Variants in WDR49 observed in about 807,000 individuals in gnomAD.
WDR49 encodes cilia- and flagella-associated protein 337.
Under a neutral mutation model 119.5 loss-of-function variants are expected in WDR49, and 107 were observed. The ratio of observed to expected loss-of-function variants is 0.90; its 90% CI spans 0.77 to 1.05. The LOEUF (loss-of-function observed/expected upper bound fraction) is 1.05, where lower values mean the gene tolerates loss of function less well. Among genes scored for constraint, WDR49 ranks in the 50% least tolerant of loss-of-function variants. WDR49 has a pLI of 0.00. For missense variants in WDR49, 1,240 were observed against 1,220.5 expected (o/e 1.02, Z -0.24); for synonymous variants, 425 against 418.8 (o/e 1.01, Z -0.18).
Position 167,554,758 on chromosome 3 carries a change from A to G in WDR49, c.1715T>C (p.Val572Ala), listed in dbSNP as rs775237969. Reference sequence around the variant, plus strand: ...AATATCCACAGCTCCATCTTGCCCAACATTTAGTGTATGGTGACAATATCC... The same window carrying G: ...AATATCCACAGCTCCATCTTGCCCAGCATTTAGTGTATGGTGACAATATCC... ...FNGYCHHTLN[V>A]GQDGAVDISQ... is the part of the protein sequence containing the mutation. The change falls in exon 10 of 19, where the codon GTT becomes GCT. Residue 572 changes from valine to alanine, a missense_variant. By Grantham distance (64) the Val-to-Ala change is moderately conservative. Coordinates refer to ENST00000682715, the MANE Select transcript of WDR49 (RefSeq NM_001366157.1). 4.4e-5 allele frequency: 71 copies of G among 1,613,020 alleles called. No homozygotes were observed. Among genetic ancestry groups the G allele is most frequent in the Non-Finnish European group, 5.9e-5 (70 of 1,179,676 alleles).
intron 4 of WDR49, 147 bp from the exon 5 acceptor site, chr3:167,620,750 A>G: frequency 2.7e-6 from 2 of 737,316 alleles, no homozygotes; most frequent in Non-Finnish European, 3.9e-6. Flanking sequence ...TGTTATACTA[A>G]AAAACAGAAC....
At chr3:167,511,284 A>G (rs141339933) in intron 16 of WDR49, among the ~76,000 whole-genome samples, 11 of 152,336 alleles carry the variant, frequency 7.2e-5, no homozygotes, top group Non-Finnish European at 1.0e-4. Flanking sequence ...AATTATATCA[A>G]TCCAGTCTCA....
chr3:167,523,267 A>T lies in WDR49; in HGVS notation c.2605-783T>A, dbSNP rs1336186161. ...AGAAAATAAATGGGTAATAAATAGTAAATAAAACTCACCCTCAGTTTTTAA... is the reference window on the plus strand; with the variant it reads ...AGAAAATAAATGGGTAATAAATAGTTAATAAAACTCACCCTCAGTTTTTAA... On this transcript the variant is annotated intron_variant, in intron 15 of 18. Coordinates refer to ENST00000682715, the MANE Select transcript of WDR49 (RefSeq NM_001366157.1). 4.6e-5 allele frequency among the ~76,000 whole-genome samples: 7 copies of T among 152,158 alleles called. No homozygotes were observed. The East Asian group carries it at 1.2e-3, about 25-fold the overall frequency.
upstream of WDR49, among the ~76,000 whole-genome samples, chr3:167,654,534 C>A (rs1200191749): frequency 6.6e-6 from 1 of 152,148 alleles, no homozygotes; most frequent in African/African-American, 2.4e-5. Context: ...ACTTTATGTT[C>A]ATTGTCTTGT....
At chr3:167,632,676 C>T (rs1320684179) in intron 2 of WDR49, among the ~76,000 whole-genome samples, 1 of 151,970 alleles carries the variant, frequency 6.6e-6, no homozygotes, top group Non-Finnish European at 1.5e-5. Context: ...GGTAATTGAT[C>T]TTTTATACAA....
At chr3:167,602,384 T>G (rs1235097541) in intron 6 of WDR49, 109 bp from the exon 7 acceptor site, 8 of 995,230 alleles carry the variant, frequency 8.0e-6, no homozygotes, top group Non-Finnish European at 9.8e-6. Context: ...GAATGTCAAC[T>G]GTAGGTTGAC....
intron 7 of WDR49, among the ~76,000 whole-genome samples, chr3:167,597,156 C>A (rs1368742193): frequency 2.0e-5 from 3 of 152,206 alleles, no homozygotes; most frequent in African/African-American, 7.2e-5. Flanking sequence ...GGTCCTGCTG[C>A]CTCTGTGCAG....
At chr3:167,586,455 C>T (rs1380849867) in intron 7 of WDR49, among the ~76,000 whole-genome samples, 2 of 152,112 alleles carry the variant, frequency 1.3e-5, no homozygotes, top group Non-Finnish European at 2.9e-5. Context: ...TTTCCAAAAA[C>T]GAAATGAAGT....
intron 8 of WDR49, among the ~76,000 whole-genome samples, chr3:167,563,353 C>CAAAA (rs61247447): frequency 0.028 from 1,433 of 50,698 alleles, no homozygotes; most frequent in Non-Finnish European, 0.041. Context: ...GATTCTGAAT[C>CAAAA]AAAAAAAAAA....
intron 15 of WDR49, among the ~76,000 whole-genome samples, chr3:167,526,773 A>G (rs933920754): frequency 1.3e-5 from 2 of 152,138 alleles, no homozygotes; most frequent in African/African-American, 4.8e-5. Context: ...GGTTGGCCTC[A>G]TCAAACTGAC....
intron 7 of WDR49, among the ~76,000 whole-genome samples, chr3:167,578,133 A>T (rs967219147): frequency 6.6e-6 from 1 of 152,048 alleles, no homozygotes; most frequent in Non-Finnish European, 1.5e-5. Context: ...AATGATCCCA[A>T]TTCTTTCAAC....
intron 5 of WDR49, among the ~76,000 whole-genome samples, chr3:167,619,034 A>G (rs1716735075): frequency 6.6e-6 from 1 of 152,276 alleles, no homozygotes; most frequent in Non-Finnish European, 1.5e-5. Context: ...GACAATCACA[A>G]TTTAAAAGCC....
chr3:167,612,825 A>C (rs1716403641), intron 5 of WDR49, among the ~76,000 whole-genome samples: 1 of 152,194 alleles, frequency 6.6e-6, no homozygotes, highest in Non-Finnish European at 1.5e-5. Flanking sequence ...GCATGTTCTC[A>C]CTTATTTGTA....
At chr3:167,551,612 A>T (rs1222017118) in intron 10 of WDR49, among the ~76,000 whole-genome samples, 1 of 151,998 alleles carries the variant, frequency 6.6e-6, no homozygotes, top group Non-Finnish European at 1.5e-5. Flanking sequence ...TGGCTGAGCT[A>T]CCCAACTTCT....
intron 10 of WDR49, among the ~76,000 whole-genome samples, chr3:167,538,918 T>C (rs753092721): frequency 3.9e-5 from 6 of 152,190 alleles, no homozygotes; most frequent in Non-Finnish European, 7.3e-5. Flanking sequence ...GTTTAGTATA[T>C]GATAAAATTC....
At chr3:167,514,667 A>C (rs1014408056) in intron 16 of WDR49, among the ~76,000 whole-genome samples, 2 of 148,974 alleles carry the variant, frequency 1.3e-5, no homozygotes, top group African/African-American at 4.9e-5. Flanking sequence ...ACACACACAC[A>C]CACCCTTCAA....
chr3:167,531,090 T>C, intron 13 of WDR49, 25 bp downstream of exon 13: 2 of 1,593,850 alleles, frequency 1.3e-6, no homozygotes, highest in Non-Finnish European at 1.7e-6. Context: ...TCCAACTATA[T>C]GTAAAATGTA....
chr3:167,576,491 T>A (rs1714259476), intron 7 of WDR49, among the ~76,000 whole-genome samples: 1 of 152,154 alleles, frequency 6.6e-6, no homozygotes. Flanking sequence ...TTATCTTAGG[T>A]GGCAAAAGAG....
At chr3:167,519,060 C>T (rs908191687) in intron 16 of WDR49, among the ~76,000 whole-genome samples, 2 of 151,992 alleles carry the variant, frequency 1.3e-5, no homozygotes, top group Admixed American at 6.6e-5. Flanking sequence ...AAATGCAAAT[C>T]AAAACCACAG....
Sources: allele counts gnomAD v4.1 joint callset (sites outside exome capture counted in the v4.1 genomes callset), GRCh38; gene constraint gnomAD v4.1.1; transcripts MANE v1.5; gene names NCBI Gene and HGNC (gene_info 2026-07-23, HGNC 2026-07-21).